FTO: variants seen among roughly 807,000 people sequenced by gnomAD.
The protein encoded by FTO is alpha-ketoglutarate-dependent dioxygenase FTO.
In FTO, 47 loss-of-function variants were observed where a neutral mutation model predicts 63.9. That is an observed-to-expected ratio of 0.74 (90% CI 0.58 to 0.94). The LOEUF (loss-of-function observed/expected upper bound fraction) is 0.94. Among genes scored for constraint, FTO ranks in the 40% least tolerant of loss-of-function variants. The pLI is 0.00. For synonymous variants in FTO, 207 were observed against 224.4 expected (o/e 0.92, Z 0.69); for missense variants, 562 against 618.1 (o/e 0.91, Z 0.96).
intron 1 of FTO, among the ~76,000 whole-genome samples, chr16:53,708,711 C>T (rs904408988): frequency 1.2e-4 from 19 of 152,214 alleles, no homozygotes; most frequent in Non-Finnish European, 1.8e-4. Context: ...CTATTGTAGC[C>T]GTTATAGTGG....
chr16:53,851,913 G>A (rs1484621710), intron 4 of FTO, among the ~76,000 whole-genome samples: 5 of 151,924 alleles, frequency 3.3e-5, no homozygotes, highest in Non-Finnish European at 5.9e-5. Context: ...CACTGTATTT[G>A]CGTTTTATTC....
In FTO at chr16:53,738,148, G is replaced by A. The variant is rs142231137; in HGVS notation, c.45+33919G>A. On this transcript the variant is annotated intron_variant, in intron 1 of 8. Transcript: ENST00000471389. ...TCAAGCGATTCTGCCTCAGCCTTCC[G>A]GGTAGCTGGGATTACAAGCATGCGC... Among the ~76,000 whole-genome samples the A allele has an allele frequency of 3.2e-4, 49 of 151,142 alleles. No homozygotes were observed. In the East Asian group the frequency reaches 8.9e-3, roughly 28 times the overall value.
chr16:54,015,747 G>GTGAAGC (rs1174113521), intron 8 of FTO, among the ~76,000 whole-genome samples: 1 of 152,166 alleles, frequency 6.6e-6, no homozygotes, highest in Non-Finnish European at 1.5e-5. Flanking sequence ...ACAACATTCT[G>GTGAAGC]TGAAGCGCGG....
At chr16:53,824,362 G>A (rs1403753880) in intron 2 of FTO, among the ~76,000 whole-genome samples, 3 of 152,072 alleles carry the variant, frequency 2.0e-5, no homozygotes, top group Non-Finnish European at 4.4e-5. Context: ...TGTCTTTCTG[G>A]GAAGCACTTT....
intron 8 of FTO, among the ~76,000 whole-genome samples, chr16:54,093,612 G>A (rs1397000213): frequency 1.3e-5 from 2 of 152,194 alleles, no homozygotes; most frequent in African/African-American, 4.8e-5. Context: ...AGCTGGAAAG[G>A]TGACTTGTAA....
At chr16:54,041,332 C>T (rs8050462) in intron 8 of FTO, among the ~76,000 whole-genome samples, 66,896 of 151,834 alleles carry the variant, frequency 0.44, 17,236 homozygotes, top group African/African-American at 0.71. Flanking sequence ...CTCATTATCA[C>T]GAGAACAGCA....
At chr16:53,751,880 T>C (rs1300332973) in intron 1 of FTO, among the ~76,000 whole-genome samples, 1 of 152,252 alleles carries the variant, frequency 6.6e-6, no homozygotes, top group Non-Finnish European at 1.5e-5. Flanking sequence ...GTTATTTTTC[T>C]CTCTGATTCA....
At chr16:54,049,018 CT>C (rs2085253125) in intron 8 of FTO, among the ~76,000 whole-genome samples, 1 of 151,752 alleles carries the variant, frequency 6.6e-6, no homozygotes, top group Admixed American at 6.6e-5. Context: ...TTCATTCTTT[CT>C]TTCTTTTTTT....
intron 7 of FTO, among the ~76,000 whole-genome samples, chr16:53,901,973 C>G (rs2081415289): frequency 6.6e-6 from 1 of 152,110 alleles, no homozygotes; most frequent in South Asian, 2.1e-4. Flanking sequence ...AGAAATGATA[C>G]TATGGGACTA....
chr16:53,895,618 C>T (rs2081261658), intron 7 of FTO, among the ~76,000 whole-genome samples: 1 of 152,178 alleles, frequency 6.6e-6, no homozygotes, highest in South Asian at 2.1e-4. Flanking sequence ...ACTGAGGATA[C>T]ATCCAGTGAC....
At chr16:53,892,941 G>C (rs953198773) in intron 7 of FTO, among the ~76,000 whole-genome samples, 1 of 152,072 alleles carries the variant, frequency 6.6e-6, no homozygotes, top group African/African-American at 2.4e-5. Flanking sequence ...ATTTCAAAAA[G>C]TTTAGTCAGC....
intron 4 of FTO, among the ~76,000 whole-genome samples, chr16:53,851,715 CATA>C (rs1225892434): frequency 6.6e-6 from 1 of 151,816 alleles, no homozygotes; most frequent in African/African-American, 2.4e-5. Flanking sequence ...GTTTTTTGTA[CATA>C]ATATGTGCTG....
Position 53,936,435 on chromosome 16 carries a change from C to T in FTO, c.1364+2326C>T, listed in dbSNP as rs755195406. Among the ~76,000 whole-genome samples the T allele has an allele frequency of 6.6e-5, 10 of 152,298 alleles. No homozygotes were observed. The South Asian group carries it at 8.3e-4, about 13-fold the overall frequency. ...TGACCTATCTACAGACTCATCCATG[C>T]GATCCGTATAAACAGACGGTTACCA... On this transcript the variant is annotated intron_variant, in intron 8 of 8. Coordinates refer to ENST00000471389, the MANE Select transcript of FTO (RefSeq NM_001080432.3).
At chr16:54,099,064 G>A (rs898077416) in intron 8 of FTO, among the ~76,000 whole-genome samples, 2 of 152,148 alleles carry the variant, frequency 1.3e-5, no homozygotes, top group Admixed American at 6.5e-5. Flanking sequence ...TCTCAATCAT[G>A]GTCCTTTGTG....
At chr16:53,789,953 AATT>A (rs1384457304) in intron 1 of FTO, among the ~76,000 whole-genome samples, 2 of 148,818 alleles carry the variant, frequency 1.3e-5, no homozygotes, top group African/African-American at 2.4e-5. Context: ...TTATAACACA[AATT>A]ATATATACAT....
intron 8 of FTO, among the ~76,000 whole-genome samples, chr16:54,035,182 A>G (rs950429491): frequency 4.6e-5 from 7 of 152,244 alleles, no homozygotes; most frequent in Non-Finnish European, 7.3e-5. Context: ...GTAAAGCAAA[A>G]TCTACTTTTA....
At chr16:53,882,383 A>G (rs1485281648) in intron 6 of FTO, among the ~76,000 whole-genome samples, 1 of 152,104 alleles carries the variant, frequency 6.6e-6, no homozygotes, top group Admixed American at 6.5e-5. Flanking sequence ...GAAAAAAAAA[A>G]AAAAACAGAG....
intron 1 of FTO, among the ~76,000 whole-genome samples, chr16:53,800,489 C>T (rs2078191085): frequency 6.6e-6 from 1 of 152,150 alleles, no homozygotes; most frequent in Non-Finnish European, 1.5e-5. Context: ...ATCTACATGT[C>T]AGTTAGTTCA....
chr16:53,763,813 C>T (rs2077128049), intron 1 of FTO, among the ~76,000 whole-genome samples: 1 of 152,072 alleles, frequency 6.6e-6, no homozygotes, highest in Non-Finnish European at 1.5e-5. Context: ...AGTCTAAGGA[C>T]CCAGTATTAG....
Sources: allele counts gnomAD v4.1 joint callset (sites outside exome capture counted in the v4.1 genomes callset), GRCh38; gene constraint gnomAD v4.1.1; transcripts MANE v1.5; gene names NCBI Gene and HGNC (gene_info 2026-07-23, HGNC 2026-07-21).